The following CSGALNACT1 variants were observed in gnomAD, a reference collection of about 807,000 sequenced individuals.
CSGALNACT1 encodes beta4GalNAcT-1.
In CSGALNACT1, 52 loss-of-function variants were observed where a neutral mutation model predicts 51.0. That is an observed-to-expected ratio of 1.02 (90% CI 0.82 to 1.29). The LOEUF is 1.29. CSGALNACT1 is among the 50% of genes most tolerant of loss of function. The pLI is 0.00. For synonymous variants in CSGALNACT1, 341 were observed against 254.4 expected, an observed-to-expected ratio of 1.34 and a Z score of -3.24; for missense variants, 935 against 679.2, an observed-to-expected ratio of 1.38 and a Z score of -4.19.
intron 3 of CSGALNACT1, among the ~76,000 whole-genome samples, chr8:19,548,453 G>C (rs2087021991): frequency 6.6e-6 from 1 of 151,714 alleles, no homozygotes; most frequent in Non-Finnish European, 1.5e-5. Flanking sequence ...TTTTTCTCAA[G>C]TATTATTTTT....
exon 10 of CSGALNACT1, chr8:19,405,761 A>T (rs2054009186): frequency 6.2e-7 from 1 of 1,613,970 alleles, no homozygotes; most frequent in Admixed American, 1.7e-5. Flanking sequence ...AGTGTCTCCC[A>T]CAATCCTTCT....
At position 19,504,577 on chromosome 8, in the gene CSGALNACT1, G is replaced by GAAA. The variant is rs559597281; in HGVS notation, c.634+621_634+623dup. Among the ~76,000 whole-genome samples, 40 of 151,970 alleles carry GAAA rather than the reference G, an allele frequency of 2.6e-4. No individual in the cohort carries two copies. In the East Asian group the frequency reaches 7.5e-3, roughly 29 times the overall value. On this transcript the variant is annotated intron_variant, in intron 4 of 9. Coordinates refer to ENST00000454498, the Ensembl canonical transcript of CSGALNACT1. ...TAATACTAGGCTGTCCTACGCCCGT[G>GAAA]AAAAAAAAGATGAGCCGTCATCTCA...
At chr8:19,455,767 T>G (rs2063957742) in intron 5 of CSGALNACT1, among the ~76,000 whole-genome samples, 1 of 152,230 alleles carries the variant, frequency 6.6e-6, no homozygotes, top group South Asian at 2.1e-4. Context: ...AGATTCTCTT[T>G]GTGTCCCATT....
At chr8:19,428,975 C>T (rs906018105) in intron 6 of CSGALNACT1, among the ~76,000 whole-genome samples, 1 of 151,832 alleles carries the variant, frequency 6.6e-6, no homozygotes, top group Non-Finnish European at 1.5e-5. Context: ...AGTACATTCG[C>T]GATGCTGTAA....
At position 19,543,673 on chromosome 8, in the gene CSGALNACT1, C is replaced by T. The variant is rs374085987; in HGVS notation, c.-296-37543G>A. Among the ~76,000 whole-genome samples the T allele has an allele frequency of 5.9e-4, 90 of 152,298 alleles. 1 individual carries two copies. The highest frequency in any genetic ancestry group is 3.4e-3 in the Middle Eastern group (1 of 294). ...TGGGGAAGGTGCACTCTTTATGTAGCCTTTCATGTACAGTGCACAGGAAGC... is the reference window on the plus strand; with the variant it reads ...TGGGGAAGGTGCACTCTTTATGTAGTCTTTCATGTACAGTGCACAGGAAGC... On this transcript the variant is annotated intron_variant, in intron 3 of 9. Coordinates refer to ENST00000454498, the Ensembl canonical transcript of CSGALNACT1.
At chr8:19,565,713 G>A (rs1588428064) in intron 3 of CSGALNACT1, among the ~76,000 whole-genome samples, 1 of 152,166 alleles carries the variant, frequency 6.6e-6, no homozygotes, top group African/African-American at 2.4e-5. Flanking sequence ...GAGGTCAGGT[G>A]TTCAAGACCA....
chr8:19,591,647 G>A (rs1189619361), intron 2 of CSGALNACT1, among the ~76,000 whole-genome samples: 1 of 152,158 alleles, frequency 6.6e-6, no homozygotes, highest in African/African-American at 2.4e-5. Flanking sequence ...CATTTAGGCT[G>A]TGTGGAGTGG....
At chr8:19,614,113 A>G (rs1465707313) in intron 1 of CSGALNACT1, among the ~76,000 whole-genome samples, 7 of 152,206 alleles carry the variant, frequency 4.6e-5, no homozygotes, top group Non-Finnish European at 1.0e-4. Context: ...AATCTGTCAC[A>G]TTTGTGTAAT....
At chr8:19,447,643 C>G (rs2062370482) in intron 5 of CSGALNACT1, among the ~76,000 whole-genome samples, 1 of 152,180 alleles carries the variant, frequency 6.6e-6, no homozygotes, top group South Asian at 2.1e-4. Context: ...GATCTCCAGA[C>G]CTTGCCAGAT....
At chr8:19,514,410 T>C (rs11780905) in intron 3 of CSGALNACT1, among the ~76,000 whole-genome samples, 2 of 146,226 alleles carry the variant, frequency 1.4e-5, no homozygotes, top group African/African-American at 5.1e-5. Flanking sequence ...CAAGACCAGC[T>C]GTCTCCAAAC....
At chr8:19,729,853 C>T (rs1424239953) in intron 1 of CSGALNACT1, among the ~76,000 whole-genome samples, 1 of 152,132 alleles carries the variant, frequency 6.6e-6, no homozygotes, top group Non-Finnish European at 1.5e-5. Flanking sequence ...AACGGGGTCC[C>T]ATGAAGAAGT....
intron 3 of CSGALNACT1, among the ~76,000 whole-genome samples, chr8:19,544,794 T>C (rs983310490): frequency 6.6e-6 from 1 of 152,218 alleles, no homozygotes; most frequent in African/African-American, 2.4e-5. Context: ...CCAATTTTCA[T>C]TTATCTTGCT....
At chr8:19,450,124 GAGGAGGAGGTGGA>G (rs2062854775) in intron 5 of CSGALNACT1, among the ~76,000 whole-genome samples, 1 of 91,986 alleles carries the variant, frequency 1.1e-5, no homozygotes, top group Non-Finnish European at 2.3e-5. Flanking sequence ...GGAGGGAGAA[GAGGAGGAGGTGGA>G]GGGGGAAAAG....
chr8:19,494,427 T>C (rs1005200036), intron 4 of CSGALNACT1, among the ~76,000 whole-genome samples: 2 of 152,186 alleles, frequency 1.3e-5, no homozygotes, highest in East Asian at 3.8e-4. Flanking sequence ...CTCTCTGTTC[T>C]GTACACTTGT....
chr8:19,467,150 C>T (rs1275553536), intron 4 of CSGALNACT1, among the ~76,000 whole-genome samples: 1 of 125,972 alleles, frequency 7.9e-6, no homozygotes, highest in Non-Finnish European at 1.6e-5. Context: ...GACGGAGTCT[C>T]ACTCTGTCAC....
chr8:19,499,034 G>A (rs2075973671), intron 4 of CSGALNACT1, among the ~76,000 whole-genome samples: 4 of 152,174 alleles, frequency 2.6e-5, no homozygotes, highest in Admixed American at 2.0e-4. Flanking sequence ...GGAATCACTT[G>A]AGCCCAGGAA....
intron 4 of CSGALNACT1, among the ~76,000 whole-genome samples, chr8:19,483,035 A>G (rs765795240): frequency 6.6e-6 from 1 of 152,126 alleles, no homozygotes; most frequent in Non-Finnish European, 1.5e-5. Context: ...ATAGATGTTT[A>G]CTATTATTTA....
chr8:19,515,677 C>T (rs1207674339), intron 3 of CSGALNACT1, among the ~76,000 whole-genome samples: 1 of 152,198 alleles, frequency 6.6e-6, no homozygotes, highest in Non-Finnish European at 1.5e-5. Context: ...CTGATCACAA[C>T]CACAAGCACC....
intron 2 of CSGALNACT1, among the ~76,000 whole-genome samples, chr8:19,600,515 C>T (rs1347006465): frequency 6.6e-6 from 1 of 152,176 alleles, no homozygotes; most frequent in East Asian, 1.9e-4. Context: ...AAACATTAAA[C>T]ATCACAAGGC....
Sources: gnomAD v4.1 joint callset for allele counts (sites outside exome capture counted in the v4.1 genomes callset) on GRCh38, gnomAD v4.1.1 for gene constraint, MANE v1.5 for transcripts, NCBI Gene and HGNC (gene_info 2026-07-23, HGNC 2026-07-21) for gene names.